The following DENND5B variants were observed in gnomAD, a reference collection of about 807,000 sequenced individuals.
The protein encoded by DENND5B is DENN domain containing 5B.
A neutral mutation model predicts 140.6 loss-of-function variants in DENND5B; 34 were observed. The ratio of observed to expected loss-of-function variants is 0.24; its 90% CI spans 0.18 to 0.32. The LOEUF (loss-of-function observed/expected upper bound fraction) is 0.32, where lower values mean the gene tolerates loss of function less well. Among genes scored for constraint, DENND5B ranks in the 10% least tolerant of loss-of-function variants. The probability of loss-of-function intolerance (pLI) is 1.00; values close to 1 mark genes in which losing one functional copy is unlikely to be tolerated. For synonymous variants in DENND5B, 551 were observed against 562.1 expected (o/e 0.98, Z 0.28); for missense variants, 1,142 against 1,560.2 (o/e 0.73, Z 4.52).
At chr12:31,558,168 T>A (rs937777339) in intron 1 of DENND5B, among the ~76,000 whole-genome samples, 1 of 152,216 alleles carries the variant, frequency 6.6e-6, no homozygotes, top group Non-Finnish European at 1.5e-5. Flanking sequence ...TAAAATAATG[T>A]AGACGTGTAT....
intron 1 of DENND5B, among the ~76,000 whole-genome samples, chr12:31,549,994 G>T (rs553473446): frequency 6.6e-6 from 1 of 151,520 alleles, no homozygotes; most frequent in Non-Finnish European, 1.5e-5. Context: ...GGATTGTTGG[G>T]TCAAATGGTA....
intron 1 of DENND5B, among the ~76,000 whole-genome samples, chr12:31,554,923 A>G (rs1949218496): frequency 6.6e-6 from 1 of 152,006 alleles, no homozygotes. Flanking sequence ...TCCTTTAAGG[A>G]CTTCTCTGCA....
chr12:31,503,312 C>A (rs1487009706), intron 1 of DENND5B, among the ~76,000 whole-genome samples: 1 of 152,170 alleles, frequency 6.6e-6, no homozygotes, highest in Non-Finnish European at 1.5e-5. Flanking sequence ...GTAATCCTAG[C>A]ACTTTGGGAG....
intron 1 of DENND5B, among the ~76,000 whole-genome samples, chr12:31,524,543 C>CT (rs1948019248): frequency 6.6e-6 from 1 of 152,092 alleles, no homozygotes; most frequent in South Asian, 2.1e-4. Flanking sequence ...ATCCCAGCTA[C>CT]TTGGGAGGCT....
intron 1 of DENND5B, among the ~76,000 whole-genome samples, chr12:31,555,493 C>T (rs1949246565): frequency 1.3e-5 from 2 of 152,174 alleles, no homozygotes; most frequent in Non-Finnish European, 1.5e-5. Context: ...TTAGGCTACT[C>T]GGGGGTCAGG....
intron 2 of DENND5B, among the ~76,000 whole-genome samples, chr12:31,490,613 GA>G (rs10661199): frequency 6.7e-5 from 10 of 148,396 alleles, no homozygotes; most frequent in African/African-American, 5.0e-5. Flanking sequence ...CCTGTCTCAA[GA>G]AAAAAAAAAA....
intron 14 of DENND5B, among the ~76,000 whole-genome samples, chr12:31,406,773 A>G (rs1383150158): frequency 6.6e-6 from 1 of 152,178 alleles, no homozygotes; most frequent in Non-Finnish European, 1.5e-5. Flanking sequence ...TACAGATATA[A>G]GGAGGATTTT....
At chr12:31,491,039 A>G (rs1239095534) in intron 2 of DENND5B, among the ~76,000 whole-genome samples, 1 of 152,212 alleles carries the variant, frequency 6.6e-6, no homozygotes, top group Non-Finnish European at 1.5e-5. Context: ...ATGAATTCTT[A>G]GGTACAACAC....
chr12:31,399,140 A>AAC lies in DENND5B; in HGVS notation c.3068+513_3068+514insGT, dbSNP rs1385107827. Reference sequence around the variant, plus strand: ...TCTGTCTCAGCCCAAAAAAAAAAAAAAAAAAGAGAGAGAAAGAAAAAAAAA... The same window carrying AAC: ...TCTGTCTCAGCCCAAAAAAAAAAAAAACAAAAAGAGAGAGAAAGAAAAAAAAA... On this transcript the variant is annotated intron_variant, in intron 16 of 20. Transcript: ENST00000389082. Among the ~76,000 whole-genome samples, 3 of 141,194 alleles carry AAC rather than the reference A, an allele frequency of 2.1e-5. 1 individual carries two copies. The highest frequency in any genetic ancestry group is 8.3e-5 in the African/African-American group (3 of 36,108). The allele number at this position is 141,194 out of a possible 152,430, so 92.6% of individuals were successfully genotyped here.
intron 1 of DENND5B, among the ~76,000 whole-genome samples, chr12:31,531,285 C>T (rs1055110333): frequency 5.3e-5 from 8 of 152,130 alleles, no homozygotes; most frequent in Non-Finnish European, 1.2e-4. Context: ...CTGCAATCTC[C>T]GCCTCCTGGG....
intron 2 of DENND5B, among the ~76,000 whole-genome samples, chr12:31,488,342 A>T (rs75820292): frequency 0.011 from 1,723 of 152,248 alleles, 19 homozygotes; most frequent in East Asian, 0.031. Flanking sequence ...AAGTCAACAT[A>T]AAGATTTAAT....
chr12:31,476,483 G>GA (rs35480701), intron 3 of DENND5B, among the ~76,000 whole-genome samples: 31,332 of 141,414 alleles, frequency 0.22, 3,595 homozygotes, highest in African/African-American at 0.3. Flanking sequence ...TGAGAAAGGA[G>GA]AAAAAAAAAA....
intron 3 of DENND5B, among the ~76,000 whole-genome samples, chr12:31,475,982 C>A (rs1945787958): frequency 2.0e-5 from 3 of 152,046 alleles, no homozygotes; most frequent in Admixed American, 2.0e-4. Flanking sequence ...AGAAATTAGC[C>A]AGGCATGGTG....
In DENND5B at chr12:31,442,859, A is replaced by G; in HGVS notation, c.1928T>C (p.Met643Thr). 2.5e-6 allele frequency: 4 copies of G among 1,612,402 alleles called. No individual in the cohort carries two copies. Among genetic ancestry groups the G allele is most frequent in the South Asian group, 1.1e-5 (1 of 90,574 alleles). Residue 643 changes from methionine (M) to threonine (T), a missense_variant, in exon 7 of 21, where the codon ATG becomes ACG. By Grantham distance (81) the Met-to-Thr change is moderately conservative. Transcript: ENST00000389082. ...CTCATATTTGCCTTGACCAATTTTC[A>G]TATCAAGTAGATGTGGGTGGATTGC... is the stretch of plus-strand genomic sequence containing the variant. ...HTAIHPHLLD[M>T]KIGQGKYEQG... is the part of the protein sequence containing the mutation.
intron 1 of DENND5B, chr12:31,535,133 A>G: frequency 3.1e-6 from 1 of 318,202 alleles, no homozygotes; most frequent in Non-Finnish European, 5.9e-6. Context: ...TATCTGCATC[A>G]CACTGAGGTA....
At chr12:31,516,304 T>C (rs1947642781) in intron 1 of DENND5B, among the ~76,000 whole-genome samples, 1 of 151,914 alleles carries the variant, frequency 6.6e-6, no homozygotes, top group East Asian at 1.9e-4. Context: ...GGCAAAACCT[T>C]GTCTCCACAA....
chr12:31,439,000 T>TA (rs1943906901), intron 7 of DENND5B, among the ~76,000 whole-genome samples: 1 of 152,208 alleles, frequency 6.6e-6, no homozygotes, highest in Non-Finnish European at 1.5e-5. Context: ...ATGGCCTACT[T>TA]AATTTTATTT....
intron 2 of DENND5B, among the ~76,000 whole-genome samples, chr12:31,482,577 CTTT>C (rs910736014): frequency 6.8e-6 from 1 of 147,440 alleles, no homozygotes; most frequent in African/African-American, 2.5e-5. Context: ...GCTGTTGCTT[CTTT>C]TTTTTTTTCT....
At chr12:31,428,539 T>G (rs1943353234) in intron 8 of DENND5B, among the ~76,000 whole-genome samples, 1 of 149,396 alleles carries the variant, frequency 6.7e-6, no homozygotes, top group South Asian at 2.1e-4. Flanking sequence ...GTAGCTGGGA[T>G]TACAGGCACG....
Sources: allele counts gnomAD v4.1 joint callset (sites outside exome capture counted in the v4.1 genomes callset), GRCh38; gene constraint gnomAD v4.1.1; transcripts MANE v1.5; gene names NCBI Gene and HGNC (gene_info 2026-07-23, HGNC 2026-07-21).